The following DLG2 variants were observed in gnomAD, a reference collection of about 807,000 sequenced individuals.
DLG2 encodes disks large homolog 2.
DLG2 carries 45 observed loss-of-function variants against 132.5 expected under a neutral mutation model. That is an observed-to-expected ratio of 0.34 (90% confidence interval 0.27 to 0.44). DLG2 has a LOEUF of 0.44. DLG2 is among the 20% of genes least tolerant of loss of function. DLG2 has a pLI of 1.00. For missense variants in DLG2, 1,045 were observed against 1,196.9 expected, an observed-to-expected ratio of 0.87 and a Z score of 1.87; for synonymous variants, 424 against 419.6, an observed-to-expected ratio of 1.01 and a Z score of -0.13.
Position 83,459,645 on chromosome 11 carries a change from G to C in DLG2, c.*173C>G. The C allele has an allele frequency of 1.9e-6, 1 of 529,768 alleles. No individual in the cohort carries two copies. Among genetic ancestry groups the C allele is most frequent in the Non-Finnish European group, 3.4e-6 (1 of 295,730 alleles). The allele number at this position is 529,768 out of a possible 1,614,324, so 32.8% of individuals were successfully genotyped here. On this transcript the variant is annotated 3_prime_UTR_variant, in exon 28 of 28. Coordinates refer to ENST00000376104, the MANE Select transcript of DLG2 (RefSeq NM_001142699.3). ...AATGTCTTTTCTGTCCCACCCTTTG[G>C]CCCCTCTGTTTCCTTCATGGCTTCA...
At position 83,962,894 on chromosome 11, in the gene DLG2, T is replaced by A; in HGVS notation, c.1331A>T (p.Asp444Val). Residue 444 changes from aspartate (D) to valine (V), a missense_variant, in exon 14 of 28, where the codon GAC (aspartate) becomes GTC (valine). Transcript: ENST00000376104. ...PIPKHMLVDD[D>V]YTRPPEPVYS... ...AACAGGCATATCTGACCTGGTGTAG[T>A]CGTCGTCAACAAGCATGTGCTTTGG... 1 of 1,612,822 alleles carries A rather than the reference T, an allele frequency of 6.2e-7. No homozygotes were observed. The highest frequency in any genetic ancestry group is 1.1e-5 in the South Asian group (1 of 91,022).
chr11:83,646,357 CAGAG>C (rs1555286926), intron 18 of DLG2, among the ~76,000 whole-genome samples: 3 of 126,184 alleles, frequency 2.4e-5, no homozygotes, highest in Non-Finnish European at 5.5e-5. Context: ...AGATATGAAA[CAGAG>C]AGAGAGAGAG....
chr11:83,900,284 C>G (rs2073053585), intron 15 of DLG2, among the ~76,000 whole-genome samples: 1 of 152,124 alleles, frequency 6.6e-6, no homozygotes, highest in Admixed American at 6.5e-5. Flanking sequence ...CCCATTTTCT[C>G]AGAAGAAATT....
At chr11:84,097,045 T>C (rs999333526) in intron 10 of DLG2, among the ~76,000 whole-genome samples, 1 of 152,192 alleles carries the variant, frequency 6.6e-6, no homozygotes, top group African/African-American at 2.4e-5. Flanking sequence ...ATATGCTTAA[T>C]GAAAAAACAG....
intron 16 of DLG2, among the ~76,000 whole-genome samples, chr11:83,840,340 G>A (rs1371554019): frequency 6.6e-6 from 1 of 152,146 alleles, no homozygotes; most frequent in Non-Finnish European, 1.5e-5. Flanking sequence ...AGAAACTCAG[G>A]AAATAGGTAT....
intron 2 of DLG2, among the ~76,000 whole-genome samples, chr11:85,625,448 A>T (rs1405235831): frequency 3.9e-5 from 6 of 152,206 alleles, no homozygotes; most frequent in Non-Finnish European, 8.8e-5. Flanking sequence ...GGGGGAGGAA[A>T]CAATCCCAAT....
At chr11:84,694,000 T>G (rs998881392) in intron 6 of DLG2, among the ~76,000 whole-genome samples, 62 of 151,676 alleles carry the variant, frequency 4.1e-4, no homozygotes, top group African/African-American at 1.5e-3. Flanking sequence ...TACATGTAAT[T>G]GTTTTAAGTA....
chr11:84,099,132 A>C, intron 9 of DLG2, 85 bp from the exon 10 acceptor site: 1 of 1,242,580 alleles, frequency 8.0e-7, no homozygotes, highest in Non-Finnish European at 1.2e-6. Flanking sequence ...TCATGTTACT[A>C]CTCAAATGGA....
intron 11 of DLG2, among the ~76,000 whole-genome samples, chr11:83,993,924 C>A (rs2154184920): frequency 6.6e-6 from 1 of 152,232 alleles, no homozygotes; most frequent in African/African-American, 2.4e-5. Context: ...GTCCCACTGG[C>A]AGGGTTGTTG....
chr11:84,974,532 C>T (rs757050646), intron 6 of DLG2, among the ~76,000 whole-genome samples: 1 of 152,098 alleles, frequency 6.6e-6, no homozygotes. Flanking sequence ...TACAGTGAGG[C>T]CTTCAGAAGT....
chr11:83,789,264 G>A (rs56836954), intron 17 of DLG2, among the ~76,000 whole-genome samples: 37,833 of 151,464 alleles, frequency 0.25, 5,512 homozygotes, highest in African/African-American at 0.4. Context: ...TTTATCACAC[G>A]GGTATGTTTA....
chr11:83,903,424 G>A (rs1241717498), intron 15 of DLG2, among the ~76,000 whole-genome samples: 2 of 152,010 alleles, frequency 1.3e-5, no homozygotes, highest in African/African-American at 4.8e-5. Context: ...CCTTCTCTCT[G>A]GGTAGAATTT....
chr11:83,823,724 G>C (rs978625927), intron 17 of DLG2, among the ~76,000 whole-genome samples: 1 of 152,244 alleles, frequency 6.6e-6, no homozygotes. Context: ...TAATCAACAA[G>C]GGAGCAGAGA....
At chr11:84,489,534 T>C (rs1028908162) in intron 7 of DLG2, among the ~76,000 whole-genome samples, 2 of 152,118 alleles carry the variant, frequency 1.3e-5, no homozygotes, top group Admixed American at 1.3e-4. Context: ...TTCCCATTGA[T>C]ATACCATGTT....
chr11:85,530,060 A>C (rs2075089397), intron 3 of DLG2, among the ~76,000 whole-genome samples: 1 of 142,250 alleles, frequency 7.0e-6, no homozygotes, highest in Admixed American at 7.3e-5. Flanking sequence ...GCAATGGCAC[A>C]ATCTCACCTC....
chr11:85,029,510 A>C (rs1310025828), intron 6 of DLG2, among the ~76,000 whole-genome samples: 1 of 152,234 alleles, frequency 6.6e-6, no homozygotes, highest in Non-Finnish European at 1.5e-5. Context: ...AAAGTTGCCT[A>C]AATATATAAT....
chr11:84,475,726 G>A (rs1403935821), intron 7 of DLG2, among the ~76,000 whole-genome samples: 5 of 152,076 alleles, frequency 3.3e-5, no homozygotes, highest in African/African-American at 1.2e-4. Context: ...AACAACTAGT[G>A]TAAAATTATA....
intron 10 of DLG2, among the ~76,000 whole-genome samples, chr11:84,090,587 T>A (rs186935718): frequency 7.4e-4 from 113 of 152,278 alleles, no homozygotes; most frequent in Non-Finnish European, 1.4e-3. Flanking sequence ...GACATACGTG[T>A]ATGCCAAAAT....
chr11:84,605,171 T>A (rs1054926050), intron 6 of DLG2, among the ~76,000 whole-genome samples: 1 of 151,948 alleles, frequency 6.6e-6, no homozygotes, highest in Non-Finnish European at 1.5e-5. Context: ...AATATTCCAA[T>A]TAATGGGCAT....
Sources: allele counts gnomAD v4.1 joint callset (sites outside exome capture counted in the v4.1 genomes callset), GRCh38; gene constraint gnomAD v4.1.1; transcripts MANE v1.5; gene names NCBI Gene and HGNC (gene_info 2026-07-23, HGNC 2026-07-21).